Variants in SMYD3 observed in about 807,000 individuals in gnomAD.
SMYD3 encodes SET and MYND domain containing 3, also known as histone-lysine N-methyltransferase SMYD3.
SMYD3 carries 36 observed loss-of-function variants against 57.7 expected under a neutral mutation model. The ratio of observed to expected loss-of-function variants is 0.62; its 90% CI spans 0.48 to 0.82. The LOEUF is 0.82. SMYD3 is among the 40% of genes least tolerant of loss of function. SMYD3 has a pLI of 0.00. For missense variants in SMYD3, 515 were observed against 538.8 expected (o/e 0.96, Z 0.44); for synonymous variants, 211 against 195.0 (o/e 1.08, Z -0.68).
chr1:246,073,259 C>CTG (rs2060488602), intron 5 of SMYD3, among the ~76,000 whole-genome samples: 1 of 152,240 alleles, frequency 6.6e-6, no homozygotes, highest in East Asian at 1.9e-4. Context: ...GCCTATTTTA[C>CTG]TGTGTAAAGT....
intron 5 of SMYD3, among the ~76,000 whole-genome samples, chr1:246,031,788 C>T (rs1490177082): frequency 6.6e-6 from 1 of 151,426 alleles, no homozygotes; most frequent in Non-Finnish European, 1.5e-5. Flanking sequence ...GGTTTTACTG[C>T]TATGAAGATA....
chr1:245,893,614 T>C (rs1227638013), intron 8 of SMYD3, among the ~76,000 whole-genome samples: 3 of 152,224 alleles, frequency 2.0e-5, no homozygotes, highest in Admixed American at 6.5e-5. Context: ...GGCTGGTTAA[T>C]GTATATGATA....
chr1:245,857,355 C>A (rs192721253), intron 10 of SMYD3, among the ~76,000 whole-genome samples: 62 of 152,272 alleles, frequency 4.1e-4, no homozygotes, highest in African/African-American at 1.3e-3. Flanking sequence ...TGGTTTACTA[C>A]CTTTGTCCAA....
intron 5 of SMYD3, among the ~76,000 whole-genome samples, chr1:246,152,155 G>T (rs1227285799): frequency 6.6e-6 from 1 of 152,222 alleles, no homozygotes; most frequent in Non-Finnish European, 1.5e-5. Flanking sequence ...AAACATGAAA[G>T]TGCCTGGGTG....
intron 8 of SMYD3, among the ~76,000 whole-genome samples, chr1:245,885,044 T>A (rs2053011703): frequency 6.6e-6 from 1 of 152,106 alleles, no homozygotes; most frequent in African/African-American, 2.4e-5. Flanking sequence ...GTCTGCGGCT[T>A]CACTCCTGAA....
intron 5 of SMYD3, among the ~76,000 whole-genome samples, chr1:245,979,986 C>T (rs1366482298): frequency 6.6e-6 from 1 of 152,248 alleles, no homozygotes; most frequent in Non-Finnish European, 1.5e-5. Context: ...GTCTAGTGGA[C>T]ATCGCACGCT....
intron 1 of SMYD3, among the ~76,000 whole-genome samples, chr1:246,427,475 C>A (rs1191808317): frequency 6.6e-6 from 1 of 150,522 alleles, no homozygotes; most frequent in South Asian, 2.1e-4. Flanking sequence ...AGCCGAGATC[C>A]CGCCACTGCA....
intron 5 of SMYD3, among the ~76,000 whole-genome samples, chr1:246,087,144 T>G (rs999239083): frequency 6.6e-6 from 1 of 152,088 alleles, no homozygotes; most frequent in African/African-American, 2.4e-5. Flanking sequence ...AGATGAAAGC[T>G]CCCCCCATGA....
At chr1:246,422,406 G>T (rs1393415435) in intron 1 of SMYD3, among the ~76,000 whole-genome samples, 1 of 147,902 alleles carries the variant, frequency 6.8e-6, no homozygotes, top group Admixed American at 6.8e-5. Context: ...AGTGACAAAG[G>T]CTACAATGTT....
intron 5 of SMYD3, among the ~76,000 whole-genome samples, chr1:246,233,036 A>T (rs548762685): frequency 7.5e-6 from 1 of 134,136 alleles, no homozygotes; most frequent in Non-Finnish European, 1.6e-5. Flanking sequence ...CATATACCAC[A>T]CAGGGGAGAA....
chr1:246,487,004 A>G (rs1359686563), intron 1 of SMYD3, among the ~76,000 whole-genome samples: 1 of 152,222 alleles, frequency 6.6e-6, no homozygotes, highest in African/African-American at 2.4e-5. Context: ...CACCTATACT[A>G]ATAGAAAATA....
chr1:246,238,449 T>C (rs2063546170), intron 5 of SMYD3, among the ~76,000 whole-genome samples: 2 of 152,200 alleles, frequency 1.3e-5, no homozygotes, highest in Admixed American at 6.5e-5. Context: ...CCCAGTCCTC[T>C]GTGCTTTCTC....
At chr1:246,007,128 G>A (rs2275319) in intron 5 of SMYD3, among the ~76,000 whole-genome samples, 1 of 152,028 alleles carries the variant, frequency 6.6e-6, no homozygotes, top group African/African-American at 2.4e-5. Context: ...AAGCGGCCAC[G>A]ACTGGGGCCT....
intron 5 of SMYD3, among the ~76,000 whole-genome samples, chr1:245,980,363 T>C (rs1246933065): frequency 6.6e-6 from 1 of 152,132 alleles, no homozygotes; most frequent in East Asian, 1.9e-4. Context: ...TGATGTGAGA[T>C]CCCTGAGGGC....
At chr1:246,378,778 A>AAATAT (rs2066331105) in intron 1 of SMYD3, among the ~76,000 whole-genome samples, 1 of 86,726 alleles carries the variant, frequency 1.2e-5, no homozygotes, top group Admixed American at 1.5e-4. Context: ...TATATAATTT[A>AAATAT]ATATATTTAA....
rs144405951 is a variant in SMYD3 at position 245,816,701 on chromosome 1, C to T, written c.1076+41795G>A. On this transcript the variant is annotated intron_variant, in intron 10 of 11. Coordinates refer to ENST00000490107, the MANE Select transcript of SMYD3 (RefSeq NM_001167740.2). ...GGTCAGTGGGTGCGCGCACCGTGCG[C>T]GAGCCGAAGCAGGGTAAGGCAATGC... is the stretch of plus-strand genomic sequence containing the variant. Among the ~76,000 whole-genome samples, 667 of 152,012 alleles carry T rather than the reference C, an allele frequency of 4.4e-3. 8 individuals are homozygous for T. Among genetic ancestry groups the T allele is most frequent in the African/African-American group, 0.013 (551 of 41,484 alleles).
In SMYD3 at chr1:245,928,001, T is replaced by C. The variant is rs369541466; in HGVS notation, c.632A>G (p.Asn211Ser). Residue 211 changes from asparagine (N) to serine (S), a missense_variant, in exon 7 of 12, where the codon AAC (asparagine) becomes AGC (serine). Transcript: ENST00000490107. Reference sequence around the variant, plus strand: ...GGGCCCATTGAACACAATCGAACAGTTGGGGTCACAGCTGTGATTGAGCAA... The same window carrying C: ...GGGCCCATTGAACACAATCGAACAGCTGGGGTCACAGCTGTGATTGAGCAA... The part of the protein sequence containing the change: ...ISLLNHSCDP[N>S]CSIVFNGPHL... 9.3e-6 allele frequency: 15 copies of C among 1,611,800 alleles called. No homozygotes were observed. In the East Asian group the frequency reaches 1.6e-4, roughly 17 times the overall value.
chr1:246,506,416 G>C (rs1409435035), intron 1 of SMYD3, among the ~76,000 whole-genome samples: 1 of 152,158 alleles, frequency 6.6e-6, no homozygotes, highest in East Asian at 1.9e-4. Context: ...CGTGTCTGAT[G>C]CTCCCACAGC....
chr1:246,488,904 C>T (rs2068228056), intron 1 of SMYD3, among the ~76,000 whole-genome samples: 1 of 152,114 alleles, frequency 6.6e-6, no homozygotes, highest in African/African-American at 2.4e-5. Context: ...ACCCAGGGAG[C>T]TTGGCAAGAA....
Sources: allele counts gnomAD v4.1 joint callset (sites outside exome capture counted in the v4.1 genomes callset), GRCh38; gene constraint gnomAD v4.1.1; transcripts MANE v1.5; gene names NCBI Gene and HGNC (gene_info 2026-07-23, HGNC 2026-07-21).